BCAS1: variants seen among roughly 807,000 people sequenced by gnomAD.
BCAS1 encodes the protein brain enriched myelin associated protein 1.
Under a neutral mutation model 65.4 loss-of-function variants are expected in BCAS1, and 46 were observed. That is an observed-to-expected ratio of 0.70 (90% CI 0.55 to 0.90). BCAS1 has a LOEUF of 0.90. Ranked by LOEUF, BCAS1 falls within the 40% of genes least tolerant of loss-of-function variation. The pLI is 0.00. For synonymous variants in BCAS1, 298 were observed against 293.5 expected (o/e 1.02, Z -0.16); for missense variants, 793 against 771.2 (o/e 1.03, Z -0.33).
intron 4 of BCAS1, among the ~76,000 whole-genome samples, chr20:54,005,707 C>T (rs1173272124): frequency 6.6e-6 from 1 of 152,236 alleles, no homozygotes; most frequent in East Asian, 1.9e-4. Context: ...AGTGACTGAA[C>T]TAGAAGGGAG....
At chr20:54,006,065 TG>T (rs2091180988) in intron 4 of BCAS1, among the ~76,000 whole-genome samples, 1 of 152,168 alleles carries the variant, frequency 6.6e-6, no homozygotes, top group Admixed American at 6.5e-5. Context: ...ACCAGGATGG[TG>T]GGCACAGGGC....
chr20:54,060,907 C>T (rs1442971397), intron 1 of BCAS1, among the ~76,000 whole-genome samples: 3 of 152,148 alleles, frequency 2.0e-5, no homozygotes, highest in South Asian at 2.1e-4. Flanking sequence ...GAGGGAATAA[C>T]GATTGATAGC....
intron 3 of BCAS1, among the ~76,000 whole-genome samples, chr20:54,036,030 C>A (rs2091894085): frequency 6.6e-6 from 1 of 151,000 alleles, no homozygotes; most frequent in South Asian, 2.1e-4. Context: ...ACAGGGGGAA[C>A]AACACACACT....
chr20:53,970,454 T>C (rs182352516), intron 9 of BCAS1, among the ~76,000 whole-genome samples: 4 of 152,362 alleles, frequency 2.6e-5, no homozygotes, highest in Admixed American at 1.3e-4. Flanking sequence ...AATTTTTATT[T>C]GGATAATTTT....
chr20:54,044,274 C>G (rs192682295), intron 3 of BCAS1, among the ~76,000 whole-genome samples: 7 of 152,270 alleles, frequency 4.6e-5, no homozygotes, highest in Admixed American at 3.9e-4. Flanking sequence ...CTCTCTTGGT[C>G]TATCCTCCAA....
At chr20:54,048,235 A>T (rs572308030) in intron 3 of BCAS1, among the ~76,000 whole-genome samples, 1 of 152,292 alleles carries the variant, frequency 6.6e-6, no homozygotes, top group Non-Finnish European at 1.5e-5. Context: ...GAAAGGCCAG[A>T]GTGAGGATAT....
chr20:53,975,417 T>G lies in BCAS1; in HGVS notation c.1289A>C (p.Asp430Ala). The change falls in exon 9 of 13, where the codon GAC becomes GCC. Residue 430 changes from aspartate to alanine, a missense_variant. Coordinates refer to ENST00000688948, the MANE Select transcript of BCAS1 (RefSeq NM_001366298.2). ...CTCCTCCGCACCTGTGGGGACTGAGTCCTCTTTAACTGACTAAAGGAAGAT... is the reference window on the plus strand; with the variant it reads ...CTCCTCCGCACCTGTGGGGACTGAGGCCTCTTTAACTGACTAAAGGAAGAT... ...KLFWKKSVKE[D>A]SVPTGAEENV... 1 of 1,612,448 alleles carries G rather than the reference T, an allele frequency of 6.2e-7. No homozygotes were observed. The highest frequency in any genetic ancestry group is 8.5e-7 in the Non-Finnish European group (1 of 1,178,942).
chr20:53,975,239 C>A, intron 9 of BCAS1, 150 bp downstream of exon 9: 1 of 590,280 alleles, frequency 1.7e-6, no homozygotes. Context: ...TCCATGCGTC[C>A]CTAATCACAT....
chr20:54,068,875 C>T (rs994221508), intron 1 of BCAS1, among the ~76,000 whole-genome samples: 6 of 152,094 alleles, frequency 3.9e-5, no homozygotes, highest in African/African-American at 1.4e-4. Context: ...AAGGTACCCC[C>T]GCCCCCAACC....
intron 7 of BCAS1, among the ~76,000 whole-genome samples, chr20:53,986,410 A>G (rs2090617490): frequency 1.3e-5 from 2 of 152,122 alleles, no homozygotes; most frequent in Non-Finnish European, 2.9e-5. Flanking sequence ...GTCAGAATTT[A>G]TCTTGACATG....
At chr20:53,982,880 A>G (rs1299609496) in intron 8 of BCAS1, among the ~76,000 whole-genome samples, 7 of 152,194 alleles carry the variant, frequency 4.6e-5, no homozygotes, top group Non-Finnish European at 5.9e-5. Context: ...AGCACAAATA[A>G]AGTAATTACA....
intron 1 of BCAS1, among the ~76,000 whole-genome samples, chr20:54,060,301 C>A (rs1425366076): frequency 6.6e-6 from 1 of 152,152 alleles, no homozygotes; most frequent in African/African-American, 2.4e-5. Context: ...GCATAGGGTT[C>A]TAAGTTATGA....
intron 3 of BCAS1, among the ~76,000 whole-genome samples, chr20:54,054,800 G>C (rs2092271259): frequency 6.6e-6 from 1 of 152,166 alleles, no homozygotes; most frequent in Non-Finnish European, 1.5e-5. Flanking sequence ...TGCTGTCTCA[G>C]ACTGTTGTCC....
At position 53,984,550 on chromosome 20, in the gene BCAS1, A is replaced by G. The variant is rs376991963; in HGVS notation, c.1275+737T>C. The stretch of plus-strand genomic sequence containing the variant: ...TGTTTTGATGAAATTCTGAAGTTAG[A>G]TTTTTCCAGCTCTATGAATTCCACC... On this transcript the variant is annotated intron_variant, in intron 8 of 12. Transcript: ENST00000688948. 6.0e-4 allele frequency among the ~76,000 whole-genome samples: 92 copies of G among 152,278 alleles called. 3 individuals carry two copies. The South Asian group carries it at 0.019, about 31-fold the overall frequency.
At chr20:53,963,297 T>C (rs1019839503) in intron 10 of BCAS1, among the ~76,000 whole-genome samples, 1 of 151,182 alleles carries the variant, frequency 6.6e-6, no homozygotes, top group African/African-American at 2.4e-5. Flanking sequence ...GCCTGGCCAA[T>C]ATGGTGAAAC....
intron 3 of BCAS1, 22 bp from the exon 4 acceptor site, chr20:54,028,994 G>T: frequency 6.3e-7 from 1 of 1,582,456 alleles, no homozygotes. Flanking sequence ...AACATAAACA[G>T]TGGTTATTCA....
intron 3 of BCAS1, among the ~76,000 whole-genome samples, chr20:54,032,273 G>T (rs2214529): frequency 0.058 from 8,720 of 151,206 alleles, 577 homozygotes; most frequent in African/African-American, 0.13. Context: ...TTTCAGACAA[G>T]CAAATGCTAA....
chr20:54,002,462 T>C (rs1276067141), intron 4 of BCAS1, among the ~76,000 whole-genome samples: 3 of 152,258 alleles, frequency 2.0e-5, no homozygotes, highest in Non-Finnish European at 4.4e-5. Flanking sequence ...TGAAAGCTTC[T>C]ACTCTGTTAA....
In BCAS1 at chr20:54,047,028, G is replaced by A. The variant is rs541720333; in HGVS notation, c.142+11057C>T. On this transcript the variant is annotated intron_variant, in intron 3 of 12. Transcript: ENST00000688948. ...TGGTTCCTATGGTCCTTCCTCATAC[G>A]GCATCTATTAGCTGAAATGCCCATG... is the stretch of plus-strand genomic sequence containing the variant. Among the ~76,000 whole-genome samples, 12 of 152,110 alleles carry A rather than the reference G, an allele frequency of 7.9e-5. No homozygotes were observed. The South Asian group carries it at 1.0e-3, about 13-fold the overall frequency.
Sources: gnomAD v4.1 joint callset for allele counts (sites outside exome capture counted in the v4.1 genomes callset) on GRCh38, gnomAD v4.1.1 for gene constraint, MANE v1.5 for transcripts, NCBI Gene and HGNC (gene_info 2026-07-23, HGNC 2026-07-21) for gene names.